DDAH1: variants seen among roughly 807,000 people sequenced by gnomAD.
DDAH1 encodes N(G),N(G)-dimethylarginine dimethylaminohydrolase 1.
DDAH1 carries 19 observed loss-of-function variants against 28.8 expected under a neutral mutation model. That is an observed-to-expected ratio of 0.66 (90% CI 0.46 to 0.97). The LOEUF is 0.97. Among genes scored for constraint, DDAH1 ranks in the 50% least tolerant of loss-of-function variants. DDAH1 has a pLI of 0.00. For synonymous variants in DDAH1, 153 were observed against 154.4 expected (o/e 0.99, Z 0.07); for missense variants, 326 against 375.9 (o/e 0.87, Z 1.10).
At chr1:85,558,894 T>C (rs1039515900) in intron 1 of DDAH1, among the ~76,000 whole-genome samples, 1 of 152,180 alleles carries the variant, frequency 6.6e-6, no homozygotes, top group Admixed American at 6.5e-5. Context: ...TCTCAAGTCA[T>C]TAAATAGTCT....
intron 2 of DDAH1, 118 bp downstream of exon 2, chr1:85,358,630 C>G (rs1332292073): frequency 4.0e-6 from 3 of 742,414 alleles, no homozygotes; most frequent in South Asian, 2.0e-5. Context: ...GCCTAGGTGA[C>G]AGCGAGACTC....
chr1:85,507,504 C>CAATAGATAAATAAATA (rs1657056321), intron 1 of DDAH1, among the ~76,000 whole-genome samples: 1 of 148,478 alleles, frequency 6.7e-6, no homozygotes, highest in Non-Finnish European at 1.5e-5. Context: ...CCCTGCATCA[C>CAATAGATAAATAAATA]AATAAATAAA....
intron 1 of DDAH1, among the ~76,000 whole-genome samples, chr1:85,365,730 A>G (rs1035179535): frequency 6.6e-6 from 1 of 152,202 alleles, no homozygotes; most frequent in African/African-American, 2.4e-5. Context: ...AATGGTGCCC[A>G]TGATTGCTGC....
chr1:85,542,190 G>T (rs1658490885), intron 1 of DDAH1, among the ~76,000 whole-genome samples: 1 of 152,156 alleles, frequency 6.6e-6, no homozygotes, highest in African/African-American at 2.4e-5. Context: ...CCTGAACACT[G>T]TCTATAATAC....
chr1:85,441,550 T>A (rs1167465849), intron 1 of DDAH1, among the ~76,000 whole-genome samples: 1 of 123,158 alleles, frequency 8.1e-6, no homozygotes, highest in Non-Finnish European at 1.8e-5. Context: ...AAAAAAGAAA[T>A]CAGTTGCTTG....
intron 1 of DDAH1, among the ~76,000 whole-genome samples, chr1:85,414,148 T>C (rs753463948): frequency 2.6e-5 from 4 of 151,994 alleles, no homozygotes; most frequent in Non-Finnish European, 5.9e-5. Flanking sequence ...AATAGAACAA[T>C]AAAATAGAAG....
At chr1:85,534,622 G>C (rs1261833882) in intron 1 of DDAH1, among the ~76,000 whole-genome samples, 1 of 151,954 alleles carries the variant, frequency 6.6e-6, no homozygotes, top group African/African-American at 2.4e-5. Flanking sequence ...ATTACTTTCA[G>C]CTTCTTTCCA....
chr1:85,328,608 A>C (rs1478374575), intron 4 of DDAH1, among the ~76,000 whole-genome samples: 1 of 152,202 alleles, frequency 6.6e-6, no homozygotes, highest in Non-Finnish European at 1.5e-5. Flanking sequence ...CTGTCACATG[A>C]ATTGGACCTA....
At chr1:85,572,486 T>A (rs1659489239) in intron 1 of DDAH1, among the ~76,000 whole-genome samples, 1 of 152,208 alleles carries the variant, frequency 6.6e-6, no homozygotes, top group South Asian at 2.1e-4. Context: ...CACCAATTAC[T>A]GACATCTAGC....
intron 2 of DDAH1, among the ~76,000 whole-genome samples, chr1:85,473,565 T>C (rs563721413): frequency 6.6e-5 from 10 of 152,278 alleles, no homozygotes; most frequent in African/African-American, 2.4e-4. Context: ...TTCATTTTCT[T>C]ACGAAGCACA....
At chr1:85,494,572 A>G (rs975626008) in intron 2 of DDAH1, 3 of 152,218 alleles carry the variant, frequency 2.0e-5, no homozygotes, top group African/African-American at 4.8e-5. Context: ...CCTTTGAAAC[A>G]GAAAACCAGT....
At position 85,496,735 on chromosome 1, in the gene DDAH1, T is replaced by C. The variant is rs1656608436; in HGVS notation, c.-122-454A>G. On this transcript the variant is annotated intron_variant, in intron 1 of 6. Coordinates refer to the DDAH1 transcript ENST00000426972. Reference sequence around the variant, plus strand: ...TCTTGTATCCTAGAACTGAAGCTGCTTTGTTTCCTGTTTGGTTGAGTCATA... The same window carrying C: ...TCTTGTATCCTAGAACTGAAGCTGCCTTGTTTCCTGTTTGGTTGAGTCATA... Among the ~76,000 whole-genome samples, 5 of 152,226 alleles carry C rather than the reference T, an allele frequency of 3.3e-5. No individual in the cohort carries two copies. The South Asian group carries it at 1.0e-3, about 32-fold the overall frequency.
chr1:85,464,676 C>T lies in DDAH1; in HGVS notation c.303+67G>A. The T allele has an allele frequency of 1.1e-5, 16 of 1,431,810 alleles. No homozygotes were observed. The South Asian group carries it at 1.8e-4, about 16-fold the overall frequency. The allele number at this position is 1,431,810 out of a possible 1,614,324, so 88.7% of individuals were successfully genotyped here. On this transcript the variant is annotated intron_variant, in intron 1 of 5. Transcript: ENST00000284031. This position sits in a 1 kb window ranked among gnomAD's most constrained non-coding sequence, Gnocchi z 4.4. The stretch of plus-strand genomic sequence containing the variant: ...GCCAATGGCGCGACTCCCCAGGCAA[C>T]ACGGCGGCCGGCGGCGGGGGAGGGC...
chr1:85,420,708 A>G (rs544740544), intron 1 of DDAH1, among the ~76,000 whole-genome samples: 1 of 152,220 alleles, frequency 6.6e-6, no homozygotes, highest in South Asian at 2.1e-4. Flanking sequence ...AGAAGTTCCA[A>G]ACTTTCCCTT....
intron 1 of DDAH1, among the ~76,000 whole-genome samples, chr1:85,415,326 T>C (rs1051473886): frequency 1.3e-5 from 2 of 152,170 alleles, no homozygotes; most frequent in African/African-American, 4.8e-5. Flanking sequence ...AGCGGCACTT[T>C]TACCCATTGC....
chr1:85,394,144 T>C (rs940159001), intron 1 of DDAH1, among the ~76,000 whole-genome samples: 2 of 152,232 alleles, frequency 1.3e-5, no homozygotes, highest in African/African-American at 4.8e-5. Context: ...GAAATTTAAC[T>C]GCCAATATAA....
chr1:85,339,777 C>T (rs1031294052), intron 4 of DDAH1, among the ~76,000 whole-genome samples: 1 of 152,164 alleles, frequency 6.6e-6, no homozygotes, highest in Non-Finnish European at 1.5e-5. Flanking sequence ...TACTTATCAA[C>T]ACCTACGGCA....
At chr1:85,325,354 TGC>T (rs10666315) in intron 4 of DDAH1, among the ~76,000 whole-genome samples, 32,344 of 151,166 alleles carry the variant, frequency 0.21, 3,847 homozygotes, top group East Asian at 0.52. Flanking sequence ...TGCACGTGCG[TGC>T]GCGCGCGCGC....
intron 1 of DDAH1, among the ~76,000 whole-genome samples, chr1:85,526,508 T>C (rs1657879799): frequency 6.6e-6 from 1 of 152,200 alleles, no homozygotes; most frequent in Non-Finnish European, 1.5e-5. Flanking sequence ...ATCACAGCCT[T>C]TAACACTTGA....
Sources: allele counts gnomAD v4.1 joint callset (sites outside exome capture counted in the v4.1 genomes callset), GRCh38; gene constraint gnomAD v4.1.1; non-coding constraint Gnocchi (gnomAD v3.1); transcripts MANE v1.5; gene names NCBI Gene and HGNC (gene_info 2026-07-23, HGNC 2026-07-21).